Variants in ZNF730 observed in about 807,000 individuals in gnomAD.
The protein encoded by ZNF730 is putative zinc finger protein 730.
In ZNF730, 12 loss-of-function variants were observed where a neutral mutation model predicts 12.6. That is an observed-to-expected ratio of 0.95 (90% confidence interval 0.61 to 1.54). The LOEUF (loss-of-function observed/expected upper bound fraction) is 1.54. Ranked by LOEUF, ZNF730 falls within the 40% of genes most tolerant of loss-of-function variation. ZNF730 has a pLI of 0.00. For synonymous variants in ZNF730, 194 were observed against 195.8 expected, an observed-to-expected ratio of 0.99 and a Z score of 0.08; for missense variants, 643 against 583.5, an observed-to-expected ratio of 1.10 and a Z score of -1.05.
intron 1 of ZNF730, among the ~76,000 whole-genome samples, chr19:23,087,156 C>A (rs1286623441): frequency 6.6e-6 from 1 of 152,102 alleles, no homozygotes; most frequent in Non-Finnish European, 1.5e-5. Context: ...GCCTATAATC[C>A]CAGCACTTTG....
intron 1 of ZNF730, among the ~76,000 whole-genome samples, chr19:23,077,214 T>C (rs1056069071): frequency 2.0e-5 from 3 of 151,938 alleles, no homozygotes; most frequent in African/African-American, 7.3e-5. Context: ...AAAAAAGTAA[T>C]TAATGGGTAC....
intron 1 of ZNF730, among the ~76,000 whole-genome samples, chr19:23,119,829 T>G (rs1970577038): frequency 6.6e-6 from 1 of 151,952 alleles, no homozygotes; most frequent in Non-Finnish European, 1.5e-5. Flanking sequence ...AATAAATAAA[T>G]AAATAAATAA....
intron 1 of ZNF730, among the ~76,000 whole-genome samples, chr19:23,075,820 G>A (rs936248290): frequency 1.4e-4 from 22 of 151,928 alleles, no homozygotes; most frequent in African/African-American, 5.3e-4. Context: ...GTTTCTGTAA[G>A]CTCCGTCTCC....
intron 1 of ZNF730, 99 bp downstream of exon 1, chr19:23,117,275 T>C (rs2145594498): frequency 6.3e-7 from 1 of 1,596,712 alleles, no homozygotes. Context: ...GCAGTCAGCT[T>C]CACAATCTGC....
intron 1 of ZNF730, among the ~76,000 whole-genome samples, chr19:23,094,071 T>C (rs1970203759): frequency 6.6e-6 from 1 of 152,088 alleles, no homozygotes; most frequent in Non-Finnish European, 1.5e-5. Flanking sequence ...ACCTCCATCT[T>C]CCCAGGCTTA....
rs556123915 is a variant in ZNF730 at position 23,085,836 on chromosome 19, C to CTTTTTTTTTTTTTT, written c.-94+10463_-94+10476dup. On this transcript the variant is annotated intron_variant, in intron 1 of 2. Coordinates refer to the ZNF730 transcript ENST00000593635. ...GACCTATTTCACCCAATTTTTTTTT[C>CTTTTTTTTTTTTTT]TTTTTTTTTTTTTTTTTTTTTTTTT... Among the ~76,000 whole-genome samples the CTTTTTTTTTTTTTT allele has an allele frequency of 3.6e-3, 198 of 54,854 alleles. 48 individuals carry two copies. The highest frequency in any genetic ancestry group is 6.7e-3 in the African/African-American group (81 of 12,034). The allele number at this position is 54,854 out of a possible 152,430, so 36.0% of individuals were successfully genotyped here. A position where few individuals can be genotyped will look rare whatever the true frequency, so the allele number is the denominator to read the frequency against.
chr19:23,140,065 A>G (rs868090606), intron 3 of ZNF730, among the ~76,000 whole-genome samples: 2 of 149,948 alleles, frequency 1.3e-5, no homozygotes, highest in Middle Eastern at 3.5e-3. Flanking sequence ...CAATCAGATT[A>G]TGTGTGTGTG....
At chr19:23,128,951 G>C (rs1223642056) in intron 1 of ZNF730, among the ~76,000 whole-genome samples, 2 of 152,082 alleles carry the variant, frequency 1.3e-5, no homozygotes, top group Non-Finnish European at 2.9e-5. Context: ...GGCTAAAAGG[G>C]GCCAAGGTAG....
chr19:23,133,161 T>G (rs1420302038), intron 1 of ZNF730, among the ~76,000 whole-genome samples: 3 of 149,486 alleles, frequency 2.0e-5, no homozygotes. Context: ...GCAGCTGCCC[T>G]TCTTATGTTT....
At position 23,129,980 on chromosome 19, in the gene ZNF730, C is replaced by A. The variant is rs868441029; in HGVS notation, c.4-4100C>A. Among the ~76,000 whole-genome samples, 6 of 133,458 alleles carry A rather than the reference C, an allele frequency of 4.5e-5. No homozygotes were observed. The East Asian group carries it at 1.3e-3, about 29-fold the overall frequency. The allele number at this position is 133,458 out of a possible 152,430, so 87.6% of individuals were successfully genotyped here. ...CTGCACTCCAGCCTGGGTGCTGGAG[C>A]GAGACTCCGCCTCAAAAAAAAAAAA... On this transcript the variant is annotated intron_variant, in intron 1 of 3. Coordinates refer to ENST00000597761, the MANE Select transcript of ZNF730 (RefSeq NM_001277403.2).
At chr19:23,107,062 C>T (rs554492524) in intron 1 of ZNF730, among the ~76,000 whole-genome samples, 45 of 132,392 alleles carry the variant, frequency 3.4e-4, no homozygotes, top group African/African-American at 1.1e-3. Context: ...ACCGGAGTTG[C>T]GCATGTTTTT....
At chr19:23,089,221 T>C (rs1350300311) in intron 1 of ZNF730, among the ~76,000 whole-genome samples, 1 of 152,098 alleles carries the variant, frequency 6.6e-6, no homozygotes, top group African/African-American at 2.4e-5. Flanking sequence ...TCGTATTTCT[T>C]TTTTCCTATT....
intron 1 of ZNF730, among the ~76,000 whole-genome samples, chr19:23,085,826 ATTTTTTTTTCTTTTTTTT>A (rs1970051866): frequency 1.4e-5 from 1 of 72,568 alleles, no homozygotes; most frequent in Non-Finnish European, 2.8e-5. Context: ...ATTTCACCCA[ATTTTTTTTTCTTTTTTTT>A]TTTTTTTTTT....
chr19:23,146,083 A>G lies in ZNF730; in HGVS notation c.1039A>G (p.Lys347Glu). The change falls in exon 4 of 4, where the codon AAA (lysine) becomes GAA (glutamate). Residue 347 changes from lysine to glutamate, a missense_variant. Lys to Glu is a moderately conservative substitution (Grantham distance 56). Transcript: ENST00000597761. ...ACCCTACAAATGTGAAGAATGTGGC[A>G]AAGCTTTTAACCGATCCTCAACCCT... ...EKPYKCEECG[K>E]AFNRSSTLNR... 6.2e-7 allele frequency: 1 copy of G among 1,612,534 alleles called. No individual in the cohort carries two copies. The highest frequency in any genetic ancestry group is 8.5e-7 in the Non-Finnish European group (1 of 1,179,566).
intron 2 of ZNF730, among the ~76,000 whole-genome samples, chr19:23,135,614 G>T (rs62122981): frequency 0.039 from 5,994 of 152,026 alleles, 133 homozygotes; most frequent in East Asian, 0.11. Flanking sequence ...GGGTTCAAGC[G>T]ATTCTCCTGC....
chr19:23,137,270 T>A (rs1279568363), intron 3 of ZNF730, among the ~76,000 whole-genome samples: 1 of 152,242 alleles, frequency 6.6e-6, no homozygotes, highest in Admixed American at 6.5e-5. Context: ...CTAATTTTTT[T>A]AATTGATATA....
chr19:23,080,435 G>A (rs1195011419), intron 1 of ZNF730, among the ~76,000 whole-genome samples: 3 of 151,762 alleles, frequency 2.0e-5, no homozygotes, highest in Non-Finnish European at 4.4e-5. Flanking sequence ...GAGTGCAGTG[G>A]CGTGATCTCG....
At chr19:23,095,116 C>T in intron 1 of ZNF730, 1 of 358,576 alleles carries the variant, frequency 2.8e-6, no homozygotes, top group Non-Finnish European at 5.0e-6. Context: ...GCCCAACTCA[C>T]AGAAGGGATT....
intron 1 of ZNF730, among the ~76,000 whole-genome samples, chr19:23,079,510 A>G (rs1404289371): frequency 2.0e-5 from 3 of 152,168 alleles, no homozygotes; most frequent in Non-Finnish European, 2.9e-5. Flanking sequence ...TAAATTCACA[A>G]TCTACTTATA....
Sources: gnomAD v4.1 joint callset for allele counts (sites outside exome capture counted in the v4.1 genomes callset) on GRCh38, gnomAD v4.1.1 for gene constraint, MANE v1.5 for transcripts, NCBI Gene and HGNC (gene_info 2026-07-23, HGNC 2026-07-21) for gene names.